IGSF5: variants seen among roughly 807,000 people sequenced by gnomAD.
IGSF5 encodes immunoglobulin superfamily member 5, also known as immunoglobulin superfamily 5 like.
In IGSF5, 41 loss-of-function variants were observed where a neutral mutation model predicts 39.4. The observed-to-expected ratio is 1.04, with a 90% CI of 0.81 to 1.35. The LOEUF (loss-of-function observed/expected upper bound fraction) is 1.35, where lower values mean the gene tolerates loss of function less well. Among genes scored for constraint, IGSF5 ranks in the 40% most tolerant of loss-of-function variants. IGSF5 has a pLI of 0.00. For synonymous variants in IGSF5, 183 were observed against 175.3 expected, an observed-to-expected ratio of 1.04 and a Z score of -0.34; for missense variants, 487 against 494.6, an observed-to-expected ratio of 0.98 and a Z score of 0.15.
chr21:39,789,841 A>AT (rs1307410481), intron 6 of IGSF5, among the ~76,000 whole-genome samples: 1 of 152,220 alleles, frequency 6.6e-6, no homozygotes, highest in Admixed American at 6.5e-5. Flanking sequence ...GTAACCATTA[A>AT]TTCATAGCTT....
At chr21:39,750,906 C>T (rs569211792) in intron 2 of IGSF5, among the ~76,000 whole-genome samples, 8 of 152,302 alleles carry the variant, frequency 5.3e-5, no homozygotes, top group African/African-American at 1.9e-4. Context: ...GGAAGAGGAC[C>T]AGGGCGGGAG....
the IGSF5 span, among the ~76,000 whole-genome samples, chr21:39,723,295 G>A: frequency 6.6e-6 from 1 of 152,194 alleles, no homozygotes; most frequent in Non-Finnish European, 1.5e-5. Flanking sequence ...CTGTTCAGGA[G>A]AGTCTGCCCT....
the IGSF5 span, among the ~76,000 whole-genome samples, chr21:39,718,079 C>T: frequency 7.7e-4 from 111 of 144,684 alleles, 1 homozygote; most frequent in Admixed American, 2.1e-3. Flanking sequence ...TAGCTGTATT[C>T]CTGGGTATTT....
At chr21:39,733,996 C>T in the IGSF5 span, among the ~76,000 whole-genome samples, 1 of 152,174 alleles carries the variant, frequency 6.6e-6, no homozygotes, top group South Asian at 2.1e-4. Flanking sequence ...TCTGCAATGA[C>T]CCTGTTTCCA....
the IGSF5 span, among the ~76,000 whole-genome samples, chr21:39,726,908 G>A: frequency 1.3e-5 from 2 of 152,004 alleles, no homozygotes; most frequent in Non-Finnish European, 2.9e-5. Context: ...GACCACATAT[G>A]GATGACTTGG....
chr21:39,734,549 T>A, the IGSF5 span, among the ~76,000 whole-genome samples: 1 of 152,086 alleles, frequency 6.6e-6, no homozygotes, highest in Non-Finnish European at 1.5e-5. Context: ...CCTATTTATC[T>A]CTCTCTCCTC....
intron 2 of IGSF5, among the ~76,000 whole-genome samples, chr21:39,755,245 A>G (rs1888493): frequency 0.077 from 11,700 of 152,188 alleles, 605 homozygotes; most frequent in East Asian, 0.28. Context: ...CTAGAGCCTG[A>G]CATTCCAGAT....
chr21:39,741,324 G>C (rs2079948010), upstream of IGSF5, among the ~76,000 whole-genome samples: 1 of 152,200 alleles, frequency 6.6e-6, no homozygotes, highest in South Asian at 2.1e-4. Flanking sequence ...GCAGAAACCT[G>C]TTATGCCAAG....
At chr21:39,735,632 C>T in the IGSF5 span, among the ~76,000 whole-genome samples, 1 of 152,050 alleles carries the variant, frequency 6.6e-6, no homozygotes, top group Non-Finnish European at 1.5e-5. Flanking sequence ...TAAATAAATT[C>T]CTGCCAAGGA....
At chr21:39,764,781 G>A (rs1193478254) in intron 2 of IGSF5, among the ~76,000 whole-genome samples, 1 of 152,220 alleles carries the variant, frequency 6.6e-6, no homozygotes, top group Non-Finnish European at 1.5e-5. Flanking sequence ...ATGTTGCAGT[G>A]TCACTGATGG....
chr21:39,772,058 C>G (rs933329870), intron 4 of IGSF5, among the ~76,000 whole-genome samples: 1 of 152,158 alleles, frequency 6.6e-6, no homozygotes, highest in Non-Finnish European at 1.5e-5. Context: ...AAGTTCAGAA[C>G]AAAGCCATAG....
intron 5 of IGSF5, among the ~76,000 whole-genome samples, chr21:39,780,867 T>A (rs534722519): frequency 2.6e-5 from 4 of 152,346 alleles, no homozygotes; most frequent in African/African-American, 9.6e-5. Flanking sequence ...TTACCTTTCT[T>A]CCTTTTGTTA....
intron 2 of IGSF5, among the ~76,000 whole-genome samples, chr21:39,747,151 C>G (rs1458049365): frequency 1.3e-5 from 2 of 152,192 alleles, no homozygotes; most frequent in Non-Finnish European, 2.9e-5. Context: ...AATGAACTCA[C>G]AGCTCCATGT....
At chr21:39,724,067 AAAAATAAAAT>A in the IGSF5 span, among the ~76,000 whole-genome samples, 26,089 of 136,874 alleles carry the variant, frequency 0.19, 2,778 homozygotes, top group African/African-American at 0.23. Context: ...CCCTGTCTCA[AAAAATAAAAT>A]AAAATAAAAT....
the IGSF5 span, chr21:39,729,464 T>G: frequency 6.6e-6 from 1 of 152,460 alleles, no homozygotes; most frequent in African/African-American, 2.4e-5. Context: ...TATGGGGGCA[T>G]GGCAGCTGGT....
chr21:39,719,491 G>GGTC, the IGSF5 span, among the ~76,000 whole-genome samples: 75 of 152,248 alleles, frequency 4.9e-4, 1 homozygote, highest in Middle Eastern at 0.01. Flanking sequence ...GCTTCCTCTG[G>GGTC]ATCAGGTCAG....
At chr21:39,793,450 GTGTT>G in intron 7 of IGSF5, 80 bp from the exon 8 acceptor site, 1 of 1,062,030 alleles carries the variant, frequency 9.4e-7, no homozygotes, top group Non-Finnish European at 1.4e-6. Context: ...AAAAGCAAAT[GTGTT>G]TCTTTATAAA....
the IGSF5 span, among the ~76,000 whole-genome samples, chr21:39,714,459 A>G: frequency 6.6e-6 from 1 of 152,358 alleles, no homozygotes; most frequent in African/African-American, 2.4e-5. Context: ...GAATCTATAC[A>G]TGGTGTATTT....
Position 39,779,260 on chromosome 21 carries a change from T to C in IGSF5, c.889T>C (p.Cys297Arg). The C allele has an allele frequency of 6.2e-7, 1 of 1,612,726 alleles. No individual in the cohort carries two copies. Among genetic ancestry groups the C allele is most frequent in the Non-Finnish European group, 8.5e-7 (1 of 1,178,866 alleles). The change falls in exon 5 of 9, where the codon TGC becomes CGC. Residue 297 changes from cysteine (C) to arginine (R), a missense_variant. Coordinates refer to ENST00000380588, the MANE Select transcript of IGSF5 (RefSeq NM_001080444.2). ...CTGCTGCCGCCGTCGTTGTTGTGGC[T>C]GCAACTGCTGCTGCCGTTGTTGTTT... is the stretch of plus-strand genomic sequence containing the variant. The part of the protein sequence containing the change: ...CCCCRRRCCG[C>R]NCCCRCCFCC...
Sources: gnomAD v4.1 joint callset for allele counts (sites outside exome capture counted in the v4.1 genomes callset) on GRCh38, gnomAD v4.1.1 for gene constraint, MANE v1.5 for transcripts, NCBI Gene and HGNC (gene_info 2026-07-23, HGNC 2026-07-21) for gene names.